The following TTLL4 variants were observed in gnomAD, a reference collection of about 807,000 sequenced individuals.
The protein encoded by TTLL4 is tubulin tyrosine ligase like 4.
In TTLL4, 85 loss-of-function variants were observed where a neutral mutation model predicts 122.7. That is an observed-to-expected ratio of 0.69 (90% CI 0.58 to 0.83). The LOEUF is 0.83. TTLL4 is among the 40% of genes least tolerant of loss of function. The pLI is 0.00. For missense variants in TTLL4, 1,363 were observed against 1,488.6 expected (o/e 0.92, Z 1.39); for synonymous variants, 553 against 563.0 (o/e 0.98, Z 0.25).
chr2:218,733,132 C>T (rs569079488), intron 2 of TTLL4, among the ~76,000 whole-genome samples: 1 of 152,270 alleles, frequency 6.6e-6, no homozygotes, highest in East Asian at 1.9e-4. Flanking sequence ...CTCTCACCTG[C>T]TTGGCCCTTG....
chr2:218,740,028 C>T (rs1234047085), intron 3 of TTLL4, 30 bp from the exon 4 acceptor site: 1 of 1,601,492 alleles, frequency 6.2e-7, no homozygotes, highest in South Asian at 1.1e-5. Context: ...ATGGAGTTGA[C>T]TAGGCTGGGG....
intron 12 of TTLL4, 23 bp downstream of exon 12, chr2:218,748,250 G>A (rs1322639376): frequency 6.2e-7 from 1 of 1,613,896 alleles, no homozygotes; most frequent in Admixed American, 1.7e-5. Flanking sequence ...GAGTGTCCCA[G>A]TCCAGTGAAG....
chr2:218,745,237 A>C lies in TTLL4; in HGVS notation c.1786+4A>C. On this transcript the variant is annotated splice_donor_region_variant and intron_variant, in intron 6 of 19. Transcript: ENST00000392102. Reference sequence around the variant, plus strand: ...TTTGGCACTCGGGATGAGAGAGGTAAACCTGGCCAAGTGTCAAAGCCCAGA... The same window carrying C: ...TTTGGCACTCGGGATGAGAGAGGTACACCTGGCCAAGTGTCAAAGCCCAGA... The C allele has an allele frequency of 6.2e-7, 1 of 1,613,968 alleles. No individual in the cohort carries two copies. The highest frequency in any genetic ancestry group is 8.5e-7 in the Non-Finnish European group (1 of 1,179,892).
chr2:218,753,403 A>T lies in TTLL4; in HGVS notation c.3259-181A>T, dbSNP rs921909343. 3.4e-5 allele frequency: 28 copies of T among 826,144 alleles called. No individual in the cohort carries two copies. In the East Asian group the frequency reaches 6.6e-4, roughly 19 times the overall value. The allele number at this position is 826,144 out of a possible 1,614,324, so 51.2% of individuals were successfully genotyped here. Reference sequence around the variant, plus strand: ...ATCAAAAAGTGCTTTGTAGGCCTCAACTTCTTGTTTGATTCAGAAGAGAAC... The same window carrying T: ...ATCAAAAAGTGCTTTGTAGGCCTCATCTTCTTGTTTGATTCAGAAGAGAAC... On this transcript the variant is annotated intron_variant, in intron 18 of 19. Transcript: ENST00000392102.
Position 218,746,299 on chromosome 2 carries a change from G to A in TTLL4, c.1974+68G>A. On this transcript the variant is annotated intron_variant, in intron 8 of 19. Coordinates refer to ENST00000392102, the MANE Select transcript of TTLL4 (RefSeq NM_014640.5). ...TAGGCCAAGAGGAGGGGGATGATGT[G>A]AGTAGGGGGTAGGGGGCGGGAAGAG... 1.9e-6 allele frequency: 3 copies of A among 1,546,290 alleles called. No homozygotes were observed. The South Asian group carries it at 3.3e-5, about 17-fold the overall frequency.
chr2:218,720,935 A>G (rs1215917151), intron 1 of TTLL4, among the ~76,000 whole-genome samples: 4 of 152,126 alleles, frequency 2.6e-5, no homozygotes, highest in Admixed American at 6.5e-5. Context: ...CTGACTACCA[A>G]TGGCCAGTGA....
chr2:218,741,408 A>C (rs79979853), intron 5 of TTLL4, among the ~76,000 whole-genome samples: 1 of 152,114 alleles, frequency 6.6e-6, no homozygotes, highest in East Asian at 1.9e-4. Flanking sequence ...CTTTGCATCA[A>C]CCCTGCCTTA....
In TTLL4 at chr2:218,752,928, C is replaced by G; in HGVS notation, c.3142C>G (p.Leu1048Val). 4 of 1,614,188 alleles carry G rather than the reference C, an allele frequency of 2.5e-6. No homozygotes were observed. Among genetic ancestry groups the G allele is most frequent in the Non-Finnish European group, 2.5e-6 (3 of 1,180,028 alleles). ...TGAGCAGCCACGATATTTCAACATT[C>G]TCACCACCCAATGGGAACAGAAATA... ...FFEQPRYFNI[L>V]TTQWEQKYHG... is the part of the protein sequence containing the mutation. The change falls in exon 17 of 20, where the codon CTC becomes GTC. Residue 1048 changes from leucine to valine, a missense_variant. Leu to Val is a conservative substitution (Grantham distance 32). Around this residue, in one of 3 missense-constraint regions of TTLL4, gnomAD observed 596 missense variants for 655.8 expected, o/e 0.91. Transcript: ENST00000392102.
intron 13 of TTLL4, 114 bp downstream of exon 13, chr2:218,749,048 CAG>C (rs1212705591): frequency 7.6e-7 from 1 of 1,322,650 alleles, no homozygotes; most frequent in South Asian, 1.3e-5. Context: ...GTTTTAAGGA[CAG>C]AGAATAGGAA....
chr2:218,716,047 G>A (rs187192410), intron 1 of TTLL4, among the ~76,000 whole-genome samples: 5 of 152,274 alleles, frequency 3.3e-5, no homozygotes, highest in South Asian at 2.1e-4. Flanking sequence ...GATCTCCCAC[G>A]TGTCACAGTT....
At chr2:218,756,060 G>A (rs1016610989), downstream of TTLL4, among the ~76,000 whole-genome samples, 3 of 152,150 alleles carry the variant, frequency 2.0e-5, no homozygotes, top group Admixed American at 6.5e-5. Flanking sequence ...GAAGTGACCC[G>A]CCTCTTCTCC....
intron 5 of TTLL4, among the ~76,000 whole-genome samples, chr2:218,743,784 A>G (rs1942767748): frequency 6.6e-6 from 1 of 152,084 alleles, no homozygotes; most frequent in Non-Finnish European, 1.5e-5. Flanking sequence ...GGTTCAAGCA[A>G]TTCTCCTGAC....
Position 218,748,111 on chromosome 2 carries a change from G to A in TTLL4, c.2385G>A (p.Ser795=), listed in dbSNP as rs932474186. 6 of 1,613,738 alleles carry A rather than the reference G, an allele frequency of 3.7e-6. No homozygotes were observed. The highest frequency in any genetic ancestry group is 1.7e-5 in the Admixed American group (1 of 59,982). Reference sequence around the variant, plus strand: ...TTTGTTTCCTTACTTCCAGGTATTCGCCTTCCATGAAGAGCCTTGGCAATA... The same window carrying A: ...TTTGTTTCCTTACTTCCAGGTATTCACCTTCCATGAAGAGCCTTGGCAATA... ...GLVRFASCKY[S]PSMKSLGNKF... The change falls in exon 12 of 20, where the codon TCG becomes TCA. Residue 795 remains serine (S), a synonymous_variant. Transcript: ENST00000392102.
rs1358164274 is a variant in TTLL4, at chr2:218,750,134, G to C, written c.2861G>C (p.Ser954Thr). 1.6e-5 allele frequency: 26 copies of C among 1,613,680 alleles called. No homozygotes were observed. The highest frequency in any genetic ancestry group is 2.7e-5 in the African/African-American group (2 of 74,900). Residue 954 changes from serine to threonine, a missense_variant, in exon 15 of 20, where the codon AGC (serine) becomes ACC (threonine). By Grantham distance (58) the Ser-to-Thr change is moderately conservative. Around this residue, in one of 3 missense-constraint regions of TTLL4, gnomAD observed 596 missense variants for 655.8 expected, o/e 0.91. Coordinates refer to ENST00000392102, the MANE Select transcript of TTLL4 (RefSeq NM_014640.5). The part of the protein sequence containing the change: ...DIISSPSSCS[S>T]STTSLPTSPG... ...ATTTCCAGCCCCAGCAGCTGCAGCA[G>C]CTCCACCACCAGGTGAGGCCCCTAT...
intron 12 of TTLL4, chr2:218,748,586 C>T (rs1462183370): frequency 3.1e-5 from 13 of 415,428 alleles, no homozygotes; most frequent in East Asian, 1.7e-4. Flanking sequence ...ACCTGGGGGA[C>T]GGAGGTTGCA....
chr2:218,714,740 G>GATAT (rs141755991), intron 1 of TTLL4, among the ~76,000 whole-genome samples: 8 of 149,224 alleles, frequency 5.4e-5, no homozygotes, highest in East Asian at 2.0e-4. Context: ...AAAAAAAAGG[G>GATAT]ATATATATAT....
At chr2:218,740,424 G>C (rs1261742417) in intron 4 of TTLL4, 97 bp from the exon 5 acceptor site, 9 of 1,356,730 alleles carry the variant, frequency 6.6e-6, no homozygotes, top group Non-Finnish European at 9.5e-6. Context: ...CCCAAGAAGG[G>C]TTGAGCCCAG....
rs779420272 is a variant in TTLL4 at position 218,751,693 on chromosome 2, C to G, written c.2874-11C>G. 3 of 1,610,836 alleles carry G rather than the reference C, an allele frequency of 1.9e-6. No individual in the cohort carries two copies. Among genetic ancestry groups the G allele is most frequent in the Non-Finnish European group, 8.5e-7 (1 of 1,178,210 alleles). ...CCCTGCCCTTTGCTTTCTTTCTGGCCTCTGCCGTAGCCTGCCCACCTCCCC... is the reference window on the plus strand; with the variant it reads ...CCCTGCCCTTTGCTTTCTTTCTGGCGTCTGCCGTAGCCTGCCCACCTCCCC... On this transcript the variant is annotated splice_polypyrimidine_tract_variant and intron_variant, in intron 15 of 19. Coordinates refer to ENST00000392102, the MANE Select transcript of TTLL4 (RefSeq NM_014640.5).
intron 5 of TTLL4, among the ~76,000 whole-genome samples, chr2:218,741,822 T>G (rs1942709664): frequency 6.6e-6 from 1 of 152,204 alleles, no homozygotes; most frequent in Non-Finnish European, 1.5e-5. Context: ...ACACAACCCT[T>G]TAGCCTTCCT....
Sources: allele counts gnomAD v4.1 joint callset (sites outside exome capture counted in the v4.1 genomes callset), GRCh38; gene constraint gnomAD v4.1.1; regional missense constraint gnomAD v4.1.1; transcripts MANE v1.5; gene names NCBI Gene and HGNC (gene_info 2026-07-23, HGNC 2026-07-21).